SOX5: variants seen among roughly 807,000 people sequenced by gnomAD.
The protein encoded by SOX5 is transcription factor SOX-5.
A neutral mutation model predicts 92.0 loss-of-function variants in SOX5; 9 were observed. That is an observed-to-expected ratio of 0.10 (90% CI 0.06 to 0.17). The LOEUF is 0.17. Among genes scored for constraint, SOX5 ranks in the 10% least tolerant of loss-of-function variants. The pLI, the probability that SOX5 is intolerant of heterozygous loss-of-function variation, is 1.00. For missense variants in SOX5, 642 were observed against 944.5 expected (o/e 0.68, Z 4.20); for synonymous variants, 344 against 336.3 (o/e 1.02, Z -0.25).
rs181453470 is a variant in SOX5 at position 23,938,091 on chromosome 12, C to A, written c.38+11473G>T. The stretch of plus-strand genomic sequence containing the variant: ...AGACAACTGGCAACTAAGGTATTCA[C>A]TGTTCTCCACAAAATGTTCAGCTAA... On this transcript the variant is annotated intron_variant, in intron 1 of 14. Transcript: ENST00000451604. 2.0e-5 allele frequency among the ~76,000 whole-genome samples: 3 copies of A among 151,050 alleles called. No homozygotes were observed. In the East Asian group the frequency reaches 5.8e-4, roughly 29 times the overall value.
At chr12:23,634,967 A>C (rs1347413369) in intron 8 of SOX5, among the ~76,000 whole-genome samples, 2 of 152,200 alleles carry the variant, frequency 1.3e-5, no homozygotes, top group Admixed American at 1.3e-4. Flanking sequence ...AGTCCATAAA[A>C]TATTTCAAGC....
At chr12:23,973,160 C>CTTTTTTTTT (rs60609193) in intron 4 of SOX5, among the ~76,000 whole-genome samples, 13 of 111,998 alleles carry the variant, frequency 1.2e-4, no homozygotes, top group Non-Finnish European at 2.0e-4. Context: ...TAACTTTTTT[C>CTTTTTTTTT]TTTTTTTTTT....
chr12:23,553,125 C>A (rs1047310863), intron 11 of SOX5, among the ~76,000 whole-genome samples: 13 of 151,846 alleles, frequency 8.6e-5, no homozygotes, highest in Non-Finnish European at 1.6e-4. Flanking sequence ...TAAGTTTCAA[C>A]ACTTAAAGCT....
At chr12:23,919,474 T>G (rs2097457287) in intron 1 of SOX5, among the ~76,000 whole-genome samples, 2 of 152,260 alleles carry the variant, frequency 1.3e-5, no homozygotes. Context: ...CATAGTTCTT[T>G]CATCTAAATG....
chr12:24,046,383 T>C lies in SOX5; in HGVS notation c.-1-150359A>G, dbSNP rs191914791. Among the ~76,000 whole-genome samples the C allele has an allele frequency of 6.3e-4, 96 of 152,274 alleles. 1 individual carries two copies. The highest frequency in any genetic ancestry group is 2.2e-3 in the African/African-American group (92 of 41,556). ...AGATGTTATAAATTTAAAATGACACTGCGAAGTAATTTAGGCTTGAAATTT... is the reference window on the plus strand; with the variant it reads ...AGATGTTATAAATTTAAAATGACACCGCGAAGTAATTTAGGCTTGAAATTT... On this transcript the variant is annotated intron_variant, in intron 4 of 4. Transcript: ENST00000446891.
chr12:24,132,286 T>C (rs1336010247), intron 4 of SOX5, among the ~76,000 whole-genome samples: 2 of 152,190 alleles, frequency 1.3e-5, no homozygotes, highest in African/African-American at 4.8e-5. Context: ...TGTGTGCAAC[T>C]GGTAAGTAAA....
At chr12:23,541,980 C>T (rs943283516) in intron 13 of SOX5, among the ~76,000 whole-genome samples, 8 of 152,074 alleles carry the variant, frequency 5.3e-5, no homozygotes, top group Non-Finnish European at 4.4e-5. Context: ...CATGGTGTCC[C>T]GCGCCTGTCA....
chr12:24,481,515 G>A lies in SOX5; in HGVS notation c.-251+80814C>T, dbSNP rs112888719. Among the ~76,000 whole-genome samples the A allele has an allele frequency of 1.9e-3, 292 of 152,142 alleles. 1 individual carries two copies. Among genetic ancestry groups the A allele is most frequent in the African/African-American group, 6.5e-3 (268 of 41,518 alleles). On this transcript the variant is annotated intron_variant, in intron 1 of 4. Coordinates refer to the SOX5 transcript ENST00000446891. ...TTATTATGCATTGCATGCTTGTATC[G>A]AAACATCTCATGTACCCCATAAATA... is the stretch of plus-strand genomic sequence containing the variant.
rs1191862017 is a variant in SOX5, at chr12:24,393,520, A to C, written c.-250-24881T>G. ...CCCAAAATAAGTAGGTATCTGAATA[A>C]TGAGATCTGTAAAATTGATTCTTGC... On this transcript the variant is annotated intron_variant, in intron 1 of 4. Transcript: ENST00000446891. The surrounding 1 kb of genome is among the most constrained non-coding windows in gnomAD (Gnocchi z 5.0). 2.0e-5 allele frequency among the ~76,000 whole-genome samples: 3 copies of C among 152,238 alleles called. No individual in the cohort carries two copies. Among genetic ancestry groups the C allele is most frequent in the Non-Finnish European group, 4.4e-5 (3 of 68,050 alleles).
At chr12:24,106,827 T>C in intron 4 of SOX5, among the ~76,000 whole-genome samples, 1 of 142,050 alleles carries the variant, frequency 7.0e-6, no homozygotes, top group South Asian at 2.1e-4. Context: ...ATAATAATAA[T>C]AATAATAATA....
intron 2 of SOX5, among the ~76,000 whole-genome samples, chr12:24,302,003 G>A (rs755786635): frequency 3.9e-5 from 6 of 151,920 alleles, no homozygotes; most frequent in Non-Finnish European, 7.4e-5. Context: ...ATGTTCATAA[G>A]GTCTTTATAA....
At chr12:24,382,424 G>C (rs996791348) in intron 1 of SOX5, among the ~76,000 whole-genome samples, 1 of 151,980 alleles carries the variant, frequency 6.6e-6, no homozygotes, top group Non-Finnish European at 1.5e-5. Flanking sequence ...GGAAGGGGAA[G>C]TCAATGAGGA....
chr12:24,482,576 A>T (rs1946107248), intron 1 of SOX5, among the ~76,000 whole-genome samples: 1 of 152,168 alleles, frequency 6.6e-6, no homozygotes, highest in South Asian at 2.1e-4. Flanking sequence ...TTGAAATACA[A>T]TTTCAATCTG....
At chr12:24,046,840 C>T (rs766335839) in intron 4 of SOX5, among the ~76,000 whole-genome samples, 8 of 121,892 alleles carry the variant, frequency 6.6e-5, no homozygotes, top group East Asian at 6.0e-4. Flanking sequence ...CCACCATGCC[C>T]GGCTAACTTT....
intron 1 of SOX5, among the ~76,000 whole-genome samples, chr12:24,537,258 T>C (rs1951721777): frequency 6.6e-6 from 1 of 152,196 alleles, no homozygotes; most frequent in South Asian, 2.1e-4. Context: ...ATAAAACAGC[T>C]GATAAGAACA....
chr12:24,196,541 A>C (rs1450594731), intron 4 of SOX5, among the ~76,000 whole-genome samples: 1 of 152,182 alleles, frequency 6.6e-6, no homozygotes, highest in African/African-American at 2.4e-5. Flanking sequence ...AAGAAGCCAC[A>C]CACTTTATAT....
chr12:24,336,411 G>A (rs1002347145), intron 2 of SOX5, among the ~76,000 whole-genome samples: 3 of 151,940 alleles, frequency 2.0e-5, no homozygotes, highest in South Asian at 2.1e-4. Flanking sequence ...GGTTTTTTAC[G>A]TCAAAGTTCA....
At chr12:23,783,456 G>C (rs954096132) in intron 3 of SOX5, among the ~76,000 whole-genome samples, 1 of 152,152 alleles carries the variant, frequency 6.6e-6, no homozygotes, top group African/African-American at 2.4e-5. Context: ...TTTAAAAGTA[G>C]TTTTAGCGTA....
At chr12:24,213,961 T>C (rs1462723199) in intron 3 of SOX5, among the ~76,000 whole-genome samples, 5 of 151,666 alleles carry the variant, frequency 3.3e-5, no homozygotes, top group Non-Finnish European at 5.9e-5. Flanking sequence ...TATATATATA[T>C]ATAATGTAAT....
Sources: allele counts gnomAD v4.1 joint callset (sites outside exome capture counted in the v4.1 genomes callset), GRCh38; gene constraint gnomAD v4.1.1; non-coding constraint Gnocchi (gnomAD v3.1); transcripts MANE v1.5; gene names NCBI Gene and HGNC (gene_info 2026-07-23, HGNC 2026-07-21).